Variants in SAMD12 observed in about 807,000 individuals in gnomAD.
SAMD12 encodes sterile alpha motif domain containing 12.
In SAMD12, 9 loss-of-function variants were observed where a neutral mutation model predicts 15.0. The ratio of observed to expected loss-of-function variants is 0.60; its 90% CI spans 0.36 to 1.05. The LOEUF (loss-of-function observed/expected upper bound fraction) is 1.05. Ranked by LOEUF, SAMD12 falls within the 50% of genes least tolerant of loss-of-function variation. The pLI is 0.01. For missense variants in SAMD12, 230 were observed against 234.2 expected (o/e 0.98, Z 0.12); for synonymous variants, 86 against 90.1 (o/e 0.96, Z 0.25).
intron 2 of SAMD12, among the ~76,000 whole-genome samples, chr8:118,508,317 A>G (rs1390583717): frequency 6.6e-6 from 1 of 152,192 alleles, no homozygotes; most frequent in Non-Finnish European, 1.5e-5. Context: ...TCAACATGGC[A>G]CATGTATACA....
chr8:118,518,869 TCAGG>T (rs1316726386), intron 2 of SAMD12, among the ~76,000 whole-genome samples: 1 of 152,130 alleles, frequency 6.6e-6, no homozygotes, highest in Non-Finnish European at 1.5e-5. Flanking sequence ...TTCCCCAGCG[TCAGG>T]CACCAGGGAA....
At chr8:118,264,517 G>A (rs1234618310) in intron 4 of SAMD12, among the ~76,000 whole-genome samples, 1 of 152,112 alleles carries the variant, frequency 6.6e-6, no homozygotes, top group East Asian at 1.9e-4. Context: ...AAGCTGGCTG[G>A]GAAAACCACT....
At chr8:118,552,199 C>G (rs1364058077) in intron 2 of SAMD12, among the ~76,000 whole-genome samples, 1 of 152,104 alleles carries the variant, frequency 6.6e-6, no homozygotes, top group Non-Finnish European at 1.5e-5. Context: ...CATCCTGATA[C>G]CAAAGCCGGG....
chr8:118,552,122 C>T (rs865845927), intron 2 of SAMD12, among the ~76,000 whole-genome samples: 9 of 152,082 alleles, frequency 5.9e-5, no homozygotes, highest in African/African-American at 2.4e-5. Flanking sequence ...GTACCATTCC[C>T]TCTGAAACTA....
downstream of SAMD12, among the ~76,000 whole-genome samples, chr8:118,377,784 G>T (rs1026240744): frequency 5.3e-5 from 8 of 152,150 alleles, no homozygotes; most frequent in African/African-American, 1.9e-4. Flanking sequence ...TCACATGTGA[G>T]TTTAGGTCTC....
chr8:118,578,561 A>G (rs1236156492), intron 2 of SAMD12, among the ~76,000 whole-genome samples: 1 of 152,174 alleles, frequency 6.6e-6, no homozygotes, highest in Non-Finnish European at 1.5e-5. Context: ...CCAAGAAAAG[A>G]GAAGACGGCT....
intron 4 of SAMD12, among the ~76,000 whole-genome samples, chr8:118,366,332 C>A (rs946016715): frequency 6.6e-6 from 1 of 152,180 alleles, no homozygotes; most frequent in Non-Finnish European, 1.5e-5. Flanking sequence ...TCTGTCACAC[C>A]TCAGACATTT....
intron 4 of SAMD12, among the ~76,000 whole-genome samples, chr8:118,267,199 T>C (rs1813224401): frequency 6.6e-6 from 1 of 152,130 alleles, no homozygotes; most frequent in Non-Finnish European, 1.5e-5. Context: ...AGCAATTTAC[T>C]CTTCCCTCCT....
intron 4 of SAMD12, among the ~76,000 whole-genome samples, chr8:118,357,012 A>G (rs1261220995): frequency 1.3e-5 from 2 of 151,920 alleles, no homozygotes; most frequent in Non-Finnish European, 2.9e-5. Flanking sequence ...GGACTATCTG[A>G]CCTCCTTGGT....
At chr8:118,163,989 G>C in the SAMD12 span, among the ~76,000 whole-genome samples, 2 of 152,208 alleles carry the variant, frequency 1.3e-5, no homozygotes, top group African/African-American at 4.8e-5. Context: ...AGTATCGGTA[G>C]GAACGAGGTT....
chr8:118,404,314 T>C (rs1821017725), intron 3 of SAMD12, among the ~76,000 whole-genome samples: 1 of 152,206 alleles, frequency 6.6e-6, no homozygotes, highest in Non-Finnish European at 1.5e-5. Flanking sequence ...CTTGGTATTC[T>C]CTGAGTTTCT....
At chr8:118,216,409 G>T (rs922721288) in intron 4 of SAMD12, among the ~76,000 whole-genome samples, 1 of 151,596 alleles carries the variant, frequency 6.6e-6, no homozygotes, top group Admixed American at 6.6e-5. Context: ...CATTTTGTAG[G>T]TTGCCTGTTC....
At chr8:118,232,966 G>A (rs1363389430) in intron 4 of SAMD12, among the ~76,000 whole-genome samples, 1 of 152,156 alleles carries the variant, frequency 6.6e-6, no homozygotes, top group Non-Finnish European at 1.5e-5. Context: ...GCAATATTTT[G>A]CAAACTTTAA....
chr8:118,419,203 GA>G (rs1163583360), intron 3 of SAMD12, among the ~76,000 whole-genome samples: 9 of 147,078 alleles, frequency 6.1e-5, no homozygotes, highest in African/African-American at 5.0e-5. Context: ...ACTGGAAGCA[GA>G]AAAAAAAAAG....
intron 2 of SAMD12, among the ~76,000 whole-genome samples, chr8:118,558,100 T>G (rs1205008337): frequency 6.6e-6 from 1 of 152,206 alleles, no homozygotes; most frequent in Non-Finnish European, 1.5e-5. Context: ...GTAAATATCT[T>G]CTTTCCCATA....
At chr8:118,467,777 G>A (rs937438820) in intron 2 of SAMD12, among the ~76,000 whole-genome samples, 1 of 152,164 alleles carries the variant, frequency 6.6e-6, no homozygotes, top group African/African-American at 2.4e-5. Context: ...CGGAGTAGAT[G>A]GTACCCAGTA....
intron 1 of SAMD12, among the ~76,000 whole-genome samples, chr8:118,582,620 G>T (rs1827324569): frequency 6.6e-6 from 1 of 152,054 alleles, no homozygotes; most frequent in Admixed American, 6.6e-5. Flanking sequence ...AATCTCAAAT[G>T]ATCTTCATGA....
intron 2 of SAMD12, among the ~76,000 whole-genome samples, chr8:118,548,963 C>T (rs1459398869): frequency 6.6e-6 from 1 of 152,266 alleles, no homozygotes; most frequent in Non-Finnish European, 1.5e-5. Flanking sequence ...AAGGCGGCAG[C>T]CAGGCTGGGG....
At chr8:118,390,297 T>C (rs12544828) in intron 3 of SAMD12, among the ~76,000 whole-genome samples, 107,316 of 152,058 alleles carry the variant, frequency 0.71, 39,059 homozygotes, top group African/African-American at 0.85. Context: ...CGTGAGCCAC[T>C]GCACCCGGCC....
Sources: allele counts gnomAD v4.1 joint callset (sites outside exome capture counted in the v4.1 genomes callset), GRCh38; gene constraint gnomAD v4.1.1; transcripts MANE v1.5; gene names NCBI Gene and HGNC (gene_info 2026-07-23, HGNC 2026-07-21).